Variants in CHLSN observed in about 807,000 individuals in gnomAD.
The protein encoded by CHLSN is cholesin, also known as protein cholesin.
chr7:988,042 G>A, the CHLSN span, among the ~76,000 whole-genome samples: 1 of 151,760 alleles, frequency 6.6e-6, no homozygotes, highest in South Asian at 2.1e-4. Context: ...CCCTCTGTGT[G>A]TCCTGGGGCG....
the CHLSN span, among the ~76,000 whole-genome samples, chr7:1,007,475 C>A: frequency 6.6e-6 from 1 of 152,208 alleles, no homozygotes; most frequent in Non-Finnish European, 1.5e-5. Flanking sequence ...CTTTGGAAAA[C>A]CCTGAGTTGC....
At chr7:987,855 C>A in the CHLSN span, among the ~76,000 whole-genome samples, 1 of 150,314 alleles carries the variant, frequency 6.7e-6, no homozygotes, top group Non-Finnish European at 1.5e-5. Flanking sequence ...CTGGGGGGGT[C>A]CCCTCTGTGT....
chr7:1,112,412 A>C, the CHLSN span, among the ~76,000 whole-genome samples: 3 of 152,198 alleles, frequency 2.0e-5, no homozygotes, highest in Non-Finnish European at 2.9e-5. Context: ...ACTCTGAGAG[A>C]CGCCTGGCAA....
chr7:982,578 G>A, the CHLSN span, among the ~76,000 whole-genome samples: 16 of 152,244 alleles, frequency 1.1e-4, no homozygotes, highest in Admixed American at 7.2e-4. Context: ...GGCAGCCCTC[G>A]AAAAGGAGCA....
At chr7:1,010,101 G>C in the CHLSN span, 1 of 1,612,742 alleles carries the variant, frequency 6.2e-7, no homozygotes, top group African/African-American at 1.3e-5. Context: ...TCTGGGGACA[G>C]CTCTGGCTCT....
At chr7:1,117,229 C>T in the CHLSN span, among the ~76,000 whole-genome samples, 2 of 43,816 alleles carry the variant, frequency 4.6e-5, no homozygotes, top group Non-Finnish European at 3.9e-5. Flanking sequence ...CCGACGTCCA[C>T]GCAGGATGAT....
chr7:986,444 T>C, the CHLSN span: 5 of 669,456 alleles, frequency 7.5e-6, no homozygotes, highest in Admixed American at 9.2e-5. Flanking sequence ...GGACAGGGGG[T>C]TTCCTGGCAG....
chr7:1,097,240 C>A, the CHLSN span, among the ~76,000 whole-genome samples: 1 of 152,190 alleles, frequency 6.6e-6, no homozygotes, highest in Non-Finnish European at 1.5e-5. The surrounding 1 kb of genome is among the most constrained non-coding windows in gnomAD (Gnocchi z 4.3). Context: ...TCCAGAAGGG[C>A]CCAGGACTCC....
At chr7:1,013,377 A>C in the CHLSN span, among the ~76,000 whole-genome samples, 1 of 152,252 alleles carries the variant, frequency 6.6e-6, no homozygotes, top group Admixed American at 6.5e-5. Flanking sequence ...AAATTTTTAA[A>C]AGAATCCCAG....
At chr7:1,089,945 G>A in the CHLSN span, among the ~76,000 whole-genome samples, 3 of 151,618 alleles carry the variant, frequency 2.0e-5, no homozygotes, top group Non-Finnish European at 4.4e-5. Flanking sequence ...TTAGCCAGGC[G>A]TGGTGGTGCA....
the CHLSN span, among the ~76,000 whole-genome samples, chr7:1,041,376 A>AGGGGAACGGGACCTGGGGTCCGCGCTGC: frequency 3.7e-4 from 28 of 76,454 alleles, no homozygotes; most frequent in Middle Eastern, 8.5e-3. Context: ...TCCGCGCTGC[A>AGGGGAACGGGACCTGGGGTCCGCGCTGC]GGGGAACGGG....
At chr7:980,985 G>A in the CHLSN span, among the ~76,000 whole-genome samples, 15 of 152,056 alleles carry the variant, frequency 9.9e-5, no homozygotes, top group African/African-American at 2.7e-4. Flanking sequence ...AAGCCACTGC[G>A]CCTGGCCAAC....
chr7:1,002,793 TGA>T, the CHLSN span, among the ~76,000 whole-genome samples: 1 of 43,424 alleles, frequency 2.3e-5, no homozygotes, highest in Non-Finnish European at 4.5e-5. Flanking sequence ...GTCCTGTGGG[TGA>T]GTGGAGTCCT....
chr7:1,000,535 T>C, the CHLSN span: 1 of 1,607,936 alleles, frequency 6.2e-7, no homozygotes, highest in Admixed American at 1.7e-5. Flanking sequence ...CTCCAGTTCT[T>C]GTGCTTTTGG....
the CHLSN span, among the ~76,000 whole-genome samples, chr7:1,020,617 G>A: frequency 6.6e-6 from 1 of 152,242 alleles, no homozygotes; most frequent in Admixed American, 6.5e-5. Flanking sequence ...CCAAGATGAT[G>A]TAAGGAAATG....
chr7:1,027,631 TTCA>T, the CHLSN span, among the ~76,000 whole-genome samples: 1 of 152,234 alleles, frequency 6.6e-6, no homozygotes, highest in African/African-American at 2.4e-5. Flanking sequence ...CCCAATTGTT[TTCA>T]TCATGAGTCT....
chr7:1,130,660 G>T, the CHLSN span, among the ~76,000 whole-genome samples: 1 of 151,898 alleles, frequency 6.6e-6, no homozygotes, highest in Non-Finnish European at 1.5e-5. Context: ...AGCCGAAAAG[G>T]AGCTGAGAAC....
chr7:986,346 C>T, the CHLSN span: 20 of 511,612 alleles, frequency 3.9e-5, no homozygotes, highest in African/African-American at 2.5e-4. Context: ...AGGTTACTTC[C>T]ACTGTGGCAG....
At chr7:1,032,794 G>A in the CHLSN span, among the ~76,000 whole-genome samples, 1 of 152,230 alleles carries the variant, frequency 6.6e-6, no homozygotes, top group African/African-American at 2.4e-5. Context: ...AGAAAACACT[G>A]GTCGGAGTCG....
Sources: gnomAD v4.1 joint callset for allele counts (sites outside exome capture counted in the v4.1 genomes callset) on GRCh38, gnomAD v4.1.1 for gene constraint, Gnocchi (gnomAD v3.1) non-coding constraint, MANE v1.5 for transcripts, NCBI Gene and HGNC (gene_info 2026-07-23, HGNC 2026-07-21) for gene names.